DDR2: variants seen among roughly 807,000 people sequenced by gnomAD.
DDR2 encodes the protein discoidin domain receptor tyrosine kinase 2.
Under a neutral mutation model 94.9 loss-of-function variants are expected in DDR2, and 27 were observed. The ratio of observed to expected loss-of-function variants is 0.28; its 90% CI spans 0.21 to 0.39. DDR2 has a LOEUF of 0.39. Ranked by LOEUF, DDR2 falls within the 10% of genes least tolerant of loss-of-function variation. The probability of loss-of-function intolerance (pLI) is 1.00; values close to 1 mark genes in which losing one functional copy is unlikely to be tolerated. For synonymous variants in DDR2, 382 were observed against 377.2 expected (o/e 1.01, Z -0.15); for missense variants, 783 against 1,076.0 (o/e 0.73, Z 3.81).
In DDR2 at chr1:162,745,778, C is replaced by G. The variant is rs78324529; in HGVS notation, c.83-7317C>G. On this transcript the variant is annotated intron_variant, in intron 3 of 17. Coordinates refer to ENST00000367921, the MANE Select transcript of DDR2 (RefSeq NM_006182.4). ...TTCTGACTGATTTCTTCTTTTTCAA[C>G]ATTGCTTTGGATATTTTGAAACTTT... is the stretch of plus-strand genomic sequence containing the variant. Among the ~76,000 whole-genome samples the G allele has an allele frequency of 9.5e-3, 1,446 of 152,200 alleles. 22 individuals carry two copies. Among genetic ancestry groups the G allele is most frequent in the African/African-American group, 0.033 (1,381 of 41,536 alleles).
chr1:162,712,913 A>G (rs1660984924), intron 2 of DDR2, among the ~76,000 whole-genome samples: 3 of 152,160 alleles, frequency 2.0e-5, no homozygotes, highest in Admixed American at 6.6e-5. Flanking sequence ...TTGACCTTCA[A>G]TGACTCATGG....
At chr1:162,739,089 A>G (rs1038286387) in intron 3 of DDR2, among the ~76,000 whole-genome samples, 2 of 122,756 alleles carry the variant, frequency 1.6e-5, no homozygotes, top group African/African-American at 3.1e-5. Context: ...AATGGCAACA[A>G]AAGCCAAAAT....
chr1:162,752,540 G>A (rs1445017946), intron 3 of DDR2, among the ~76,000 whole-genome samples: 2 of 152,220 alleles, frequency 1.3e-5, no homozygotes, highest in African/African-American at 4.8e-5. Flanking sequence ...GTTGAAAGTG[G>A]AAGTCTGTAT....
intron 8 of DDR2, 99 bp from the exon 9 acceptor site, chr1:162,761,112 C>G (rs1210771069): frequency 3.2e-6 from 5 of 1,551,682 alleles, no homozygotes; most frequent in Non-Finnish European, 4.4e-6. Context: ...CAGAATAGCT[C>G]GAATCAGGGT....
At chr1:162,677,013 G>A (rs1430600923) in intron 2 of DDR2, among the ~76,000 whole-genome samples, 1 of 152,062 alleles carries the variant, frequency 6.6e-6, no homozygotes, top group Non-Finnish European at 1.5e-5. Flanking sequence ...TGTTTCCTCT[G>A]TGCTCACGGG....
intron 2 of DDR2, among the ~76,000 whole-genome samples, chr1:162,716,663 G>T (rs1436914721): frequency 6.6e-6 from 1 of 150,546 alleles, no homozygotes; most frequent in African/African-American, 2.4e-5. Context: ...TGTTTTATTT[G>T]CTTTGGATCC....
intron 17 of DDR2, 151 bp downstream of exon 17, chr1:162,778,880 C>T (rs1647738937): frequency 9.4e-7 from 1 of 1,060,782 alleles, no homozygotes; most frequent in Admixed American, 2.0e-5. Flanking sequence ...ATGTGAAAGA[C>T]CAGTATCCTC....
At chr1:162,708,442 G>C (rs1660752739) in intron 2 of DDR2, among the ~76,000 whole-genome samples, 1 of 152,214 alleles carries the variant, frequency 6.6e-6, no homozygotes, top group Non-Finnish European at 1.5e-5. Flanking sequence ...CGCAAGAGTA[G>C]GATGGTCCTG....
intron 1 of DDR2, among the ~76,000 whole-genome samples, chr1:162,654,848 T>G (rs1440486963): frequency 1.3e-5 from 2 of 152,174 alleles, no homozygotes; most frequent in Non-Finnish European, 2.9e-5. Context: ...GCCAAATATT[T>G]AAGAGATTTT....
intron 2 of DDR2, among the ~76,000 whole-genome samples, chr1:162,685,103 G>T (rs12119887): frequency 6.6e-6 from 1 of 152,026 alleles, no homozygotes; most frequent in South Asian, 2.1e-4. Flanking sequence ...GTGATTTGGG[G>T]CATGTTTTTT....
chr1:162,776,353 TG>T lies in DDR2; in HGVS notation c.2269del (p.Glu757ArgfsTer71). 1 of 1,614,048 alleles carries T rather than the reference TG, an allele frequency of 6.2e-7. No homozygotes were observed. The highest frequency in any genetic ancestry group is 2.2e-5 in the East Asian group (1 of 44,868). On this transcript the variant is annotated frameshift_variant, in exon 16 of 18. Coordinates refer to ENST00000367921, the MANE Select transcript of DDR2 (RefSeq NM_006182.4). LOFTEE classifies it high-confidence loss of function. ...RAVLPIRWMSWESILLGKFTT... is the reference protein window; with the variant it reads ...RAVLPIRWMSXESILLGKFTT... ...AGTGCTCCCTATCCGCTGGATGTCT[TG>T]GGAGAGTATCTTGCTGGTAAGTTCT...
rs1039665096 is a variant in DDR2, at chr1:162,645,569, G to A, written c.-191-9642G>A. On this transcript the variant is annotated intron_variant, in intron 1 of 17. Coordinates refer to ENST00000367921, the MANE Select transcript of DDR2 (RefSeq NM_006182.4). Reference sequence around the variant, plus strand: ...ATCACTAGTGTGGAACTTAAAGATAGACACAGTAGAACCATGTATCCTCAG... The same window carrying A: ...ATCACTAGTGTGGAACTTAAAGATAAACACAGTAGAACCATGTATCCTCAG... Among the ~76,000 whole-genome samples the A allele has an allele frequency of 2.0e-5, 3 of 152,176 alleles. No individual in the cohort carries two copies. In the South Asian group the frequency reaches 6.2e-4, roughly 32 times the overall value.
intron 2 of DDR2, among the ~76,000 whole-genome samples, chr1:162,660,715 T>G (rs558501911): frequency 2.7e-4 from 41 of 152,324 alleles, no homozygotes; most frequent in Non-Finnish European, 5.4e-4. Context: ...GTGACACTTC[T>G]GCACAGAACA....
intron 2 of DDR2, among the ~76,000 whole-genome samples, chr1:162,686,024 T>C (rs544865139): frequency 2.6e-5 from 4 of 152,208 alleles, no homozygotes; most frequent in African/African-American, 9.6e-5. Context: ...TCCCCACAGA[T>C]CTGTAAGAGT....
intron 3 of DDR2, among the ~76,000 whole-genome samples, chr1:162,752,159 AAG>A (rs1432267295): frequency 2.4e-5 from 1 of 41,192 alleles, no homozygotes; most frequent in Non-Finnish European, 9.3e-5. Flanking sequence ...AAAAAGAGAA[AAG>A]AAAAAAAAAA....
chr1:162,750,047 G>A (rs1368556633), intron 3 of DDR2, among the ~76,000 whole-genome samples: 1 of 152,130 alleles, frequency 6.6e-6, no homozygotes, highest in East Asian at 1.9e-4. Flanking sequence ...ATACTGAATG[G>A]GCAAAAACTG....
chr1:162,720,253 A>G (rs1661359788), intron 3 of DDR2, among the ~76,000 whole-genome samples: 1 of 152,036 alleles, frequency 6.6e-6, no homozygotes, highest in African/African-American at 2.4e-5. Flanking sequence ...CAGTACCTGG[A>G]TTAAGAAACA....
intron 9 of DDR2, among the ~76,000 whole-genome samples, chr1:162,762,295 G>A (rs1031885423): frequency 3.3e-5 from 5 of 152,142 alleles, no homozygotes; most frequent in Non-Finnish European, 7.4e-5. Flanking sequence ...AATGACTGGT[G>A]CTTACATCTA....
At chr1:162,745,636 G>A (rs114385444) in intron 3 of DDR2, among the ~76,000 whole-genome samples, 1,662 of 151,886 alleles carry the variant, frequency 0.011, 34 homozygotes, top group African/African-American at 0.038. Context: ...CAGTTGACCT[G>A]TGTGGGTGAC....
Sources: gnomAD v4.1 joint callset for allele counts (sites outside exome capture counted in the v4.1 genomes callset) on GRCh38, gnomAD v4.1.1 for gene constraint, MANE v1.5 for transcripts, NCBI Gene and HGNC (gene_info 2026-07-23, HGNC 2026-07-21) for gene names.